The following OTUD7B variants were observed in gnomAD, a reference collection of about 807,000 sequenced individuals.
OTUD7B encodes the protein OTU deubiquitinase 7B.
Under a neutral mutation model 82.2 loss-of-function variants are expected in OTUD7B, and 34 were observed. The observed-to-expected ratio is 0.41, with a 90% confidence interval of 0.31 to 0.55. The LOEUF is 0.55. Ranked by LOEUF, OTUD7B falls within the 20% of genes least tolerant of loss-of-function variation. The pLI is 0.20. For synonymous variants in OTUD7B, 398 were observed against 402.7 expected, an observed-to-expected ratio of 0.99 and a Z score of 0.14; for missense variants, 944 against 1,062.1, an observed-to-expected ratio of 0.89 and a Z score of 1.55.
intron 7 of OTUD7B, among the ~76,000 whole-genome samples, chr1:149,956,080 G>A (rs1553774496): frequency 1.3e-5 from 2 of 152,180 alleles, no homozygotes; most frequent in Non-Finnish European, 1.5e-5. Flanking sequence ...CTGTCATTAT[G>A]ATGTTAGCTG....
chr1:150,026,799 G>A, the OTUD7B span, among the ~76,000 whole-genome samples: 2 of 152,138 alleles, frequency 1.3e-5, no homozygotes, highest in East Asian at 3.8e-4. Context: ...CTTGGTGCCA[G>A]TCATCCATAA....
intron 1 of OTUD7B, among the ~76,000 whole-genome samples, chr1:149,987,728 G>A (rs587697606): frequency 6.6e-6 from 1 of 151,972 alleles, no homozygotes; most frequent in African/African-American, 2.4e-5. Context: ...ACAGAGTCTT[G>A]ACACATACAC....
the OTUD7B span, among the ~76,000 whole-genome samples, chr1:150,053,295 A>G: frequency 6.6e-6 from 1 of 152,232 alleles, no homozygotes; most frequent in Non-Finnish European, 1.5e-5. Flanking sequence ...ACAAAGGTCT[A>G]ATATCCAGCA....
rs1419213820 is a variant in OTUD7B at position 149,941,620 on chromosome 1, G to T, written c.*2237C>A. ...TAAAAAATCACAATTAATGTAAAAA[G>T]TCTATGATGGACAATGTATCAAAAA... is the stretch of plus-strand genomic sequence containing the variant. On this transcript the variant is annotated 3_prime_UTR_variant, in exon 12 of 12. Transcript: ENST00000581312. The T allele has an allele frequency of 6.6e-6, 1 of 152,120 alleles. No homozygotes were observed. The highest frequency in any genetic ancestry group is 6.6e-5 in the Admixed American group (1 of 15,260). The allele number at this position is 152,120 out of a possible 1,614,324, so 9.4% of individuals were successfully genotyped here. A position where few individuals can be genotyped will look rare whatever the true frequency, so the allele number is the denominator to read the frequency against.
upstream of OTUD7B, among the ~76,000 whole-genome samples, chr1:150,015,110 GTGAATGAA>G (rs782146285): frequency 2.0e-5 from 3 of 151,986 alleles, no homozygotes; most frequent in Admixed American, 2.0e-4. Context: ...TATCTATTAA[GTGAATGAA>G]TGAATGAATG....
chr1:150,022,549 G>A, the OTUD7B span, among the ~76,000 whole-genome samples: 1 of 152,048 alleles, frequency 6.6e-6, no homozygotes, highest in Non-Finnish European at 1.5e-5. Flanking sequence ...CACACTTCAC[G>A]GCTTCAGGGT....
chr1:149,965,342 G>A (rs1308432065), intron 5 of OTUD7B, among the ~76,000 whole-genome samples: 5 of 152,052 alleles, frequency 3.3e-5, no homozygotes, highest in Admixed American at 2.0e-4. Flanking sequence ...CTCCAGCCTG[G>A]GCAACAGAGT....
the OTUD7B span, among the ~76,000 whole-genome samples, chr1:150,030,088 G>A: frequency 1.3e-5 from 2 of 152,058 alleles, no homozygotes; most frequent in Non-Finnish European, 1.5e-5. Context: ...TTACACCTGT[G>A]GATTGATAAC....
At chr1:150,026,055 G>A in the OTUD7B span, among the ~76,000 whole-genome samples, 1 of 152,216 alleles carries the variant, frequency 6.6e-6, no homozygotes, top group Non-Finnish European at 1.5e-5. Context: ...AGCATTCCTT[G>A]GAGATTCCTA....
At chr1:150,001,347 G>A (rs1652268235) in intron 1 of OTUD7B, among the ~76,000 whole-genome samples, 1 of 152,170 alleles carries the variant, frequency 6.6e-6, no homozygotes, top group Non-Finnish European at 1.5e-5. Flanking sequence ...ACAGTCAGGA[G>A]CAGAATGGTT....
At chr1:149,977,043 C>G (rs1022120468) in intron 2 of OTUD7B, among the ~76,000 whole-genome samples, 1 of 152,074 alleles carries the variant, frequency 6.6e-6, no homozygotes, top group African/African-American at 2.4e-5. Context: ...ATTGACTGGA[C>G]CTGGGAGGCA....
Position 149,967,522 on chromosome 1 carries a change from C to A in OTUD7B, c.275-1G>T, listed in dbSNP as rs1186879551. 1.3e-6 allele frequency: 2 copies of A among 1,589,642 alleles called. No homozygotes were observed. The highest frequency in any genetic ancestry group is 1.7e-6 in the Non-Finnish European group (2 of 1,167,574). ...GAGATGCCCCTAGACAGGCGTTTTTCTGCAATGAGAAATGGAGTCACCTTA... is the reference window on the plus strand; with the variant it reads ...GAGATGCCCCTAGACAGGCGTTTTTATGCAATGAGAAATGGAGTCACCTTA... On this transcript the variant is annotated splice_acceptor_variant, in intron 3 of 11. Transcript: ENST00000581312. LOFTEE classifies it high-confidence loss of function.
chr1:149,995,065 C>A (rs587613226), intron 1 of OTUD7B, among the ~76,000 whole-genome samples: 1 of 152,292 alleles, frequency 6.6e-6, no homozygotes, highest in Admixed American at 6.5e-5. Flanking sequence ...GGAATACTAA[C>A]AATAAAGAAG....
At chr1:149,999,967 A>G (rs1339431922) in intron 1 of OTUD7B, among the ~76,000 whole-genome samples, 5 of 152,236 alleles carry the variant, frequency 3.3e-5, no homozygotes, top group Admixed American at 6.5e-5. Context: ...GCTGCATTCT[A>G]TCTATAATAT....
chr1:149,997,601 A>G (rs1652001089), intron 1 of OTUD7B, among the ~76,000 whole-genome samples: 1 of 152,204 alleles, frequency 6.6e-6, no homozygotes, highest in African/African-American at 2.4e-5. Context: ...ACTTAAATCC[A>G]AAATCTAAAG....
chr1:150,048,286 C>T, the OTUD7B span, among the ~76,000 whole-genome samples: 9 of 152,152 alleles, frequency 5.9e-5, no homozygotes, highest in African/African-American at 1.9e-4. Flanking sequence ...AATGAACAAG[C>T]TATCCGTAGG....
Position 149,939,450 on chromosome 1 carries a change from G to A in OTUD7B, c.*4407C>T. 6.6e-6 allele frequency: 1 copy of A among 152,176 alleles called. No individual in the cohort carries two copies. Among genetic ancestry groups the A allele is most frequent in the East Asian group, 1.9e-4 (1 of 5,196 alleles). 9.4% of individuals were successfully genotyped at this position (152,176 alleles called of 1,614,324 possible). A position where few individuals can be genotyped will look rare whatever the true frequency, so the allele number is the denominator to read the frequency against. On this transcript the variant is annotated 3_prime_UTR_variant, in exon 12 of 12. Transcript: ENST00000581312. Reference sequence around the variant, plus strand: ...CAAAATACCCTGTGATTTGCAGACTGGCTGTCTGCAAAGTAGAAGAGACAG... The same window carrying A: ...CAAAATACCCTGTGATTTGCAGACTAGCTGTCTGCAAAGTAGAAGAGACAG...
At chr1:150,044,516 A>G in the OTUD7B span, among the ~76,000 whole-genome samples, 1 of 151,816 alleles carries the variant, frequency 6.6e-6, no homozygotes, top group Admixed American at 6.6e-5. Context: ...TACAGGCATG[A>G]GCCCACCACC....
At chr1:149,953,163 G>A (rs1308920582) in intron 7 of OTUD7B, among the ~76,000 whole-genome samples, 1 of 152,280 alleles carries the variant, frequency 6.6e-6, no homozygotes, top group Non-Finnish European at 1.5e-5. Context: ...TTTTCTTCTA[G>A]GGTTTTTATG....
Sources: gnomAD v4.1 joint callset for allele counts (sites outside exome capture counted in the v4.1 genomes callset) on GRCh38, gnomAD v4.1.1 for gene constraint, MANE v1.5 for transcripts, NCBI Gene and HGNC (gene_info 2026-07-23, HGNC 2026-07-21) for gene names.